The following SLC7A8 variants were observed in gnomAD, a reference collection of about 807,000 sequenced individuals.
The protein encoded by SLC7A8 is solute carrier family 7 member 8.
A neutral mutation model predicts 51.2 loss-of-function variants in SLC7A8; 30 were observed. The observed-to-expected ratio is 0.59, with a 90% CI of 0.44 to 0.80. The LOEUF (loss-of-function observed/expected upper bound fraction) is 0.80. SLC7A8 is among the 30% of genes least tolerant of loss of function. SLC7A8 has a pLI of 0.00. For missense variants in SLC7A8, 612 were observed against 674.4 expected (o/e 0.91, Z 1.03); for synonymous variants, 257 against 275.8 (o/e 0.93, Z 0.67).
Position 23,139,302 on chromosome 14 carries a change from G to A in SLC7A8, c.912+122C>T, listed in dbSNP as rs1194258574. ...CAATGACATATGTGGTTTCTGCCCT[G>A]AGAACTTGGGGGTGATTTCCACTTC... On this transcript the variant is annotated intron_variant, in intron 6 of 10. Coordinates refer to ENST00000316902, the MANE Select transcript of SLC7A8 (RefSeq NM_012244.4). The A allele has an allele frequency of 2.7e-6, 4 of 1,492,090 alleles. No homozygotes were observed. The African/African-American group carries it at 4.1e-5, about 15-fold the overall frequency. 92.4% of individuals were successfully genotyped at this position (1,492,090 alleles called of 1,614,324 possible).
intron 1 of SLC7A8, among the ~76,000 whole-genome samples, chr14:23,166,910 C>T (rs1245034941): frequency 6.6e-6 from 1 of 152,182 alleles, no homozygotes; most frequent in African/African-American, 2.4e-5. Context: ...TCTCAGGACC[C>T]TCCAGCTGAG....
intron 1 of SLC7A8, among the ~76,000 whole-genome samples, chr14:23,178,611 T>G (rs145247640): frequency 0.012 from 1,772 of 152,140 alleles, 18 homozygotes; most frequent in Non-Finnish European, 0.017. Flanking sequence ...CACTTGCTTT[T>G]TTTTTTTAAG....
chr14:23,172,632 C>T (rs1277195322), intron 1 of SLC7A8, among the ~76,000 whole-genome samples: 4 of 152,216 alleles, frequency 2.6e-5, no homozygotes, highest in Non-Finnish European at 4.4e-5. Flanking sequence ...GCTTTGTCTT[C>T]CTTGGTGGTT....
intron 1 of SLC7A8, among the ~76,000 whole-genome samples, chr14:23,167,489 T>A: frequency 6.6e-6 from 1 of 151,968 alleles, no homozygotes; most frequent in Non-Finnish European, 1.5e-5. Context: ...CACTTCTGCT[T>A]GTGTGCAGGG....
rs60162914 is a variant in SLC7A8 at position 23,183,137 on chromosome 14, TAAAAAAA to T, written c.-230_-224del. On this transcript the variant is annotated 5_prime_UTR_variant, in exon 1 of 11. It removes the in-frame stop codon of an upstream open reading frame in the 5' UTR. Transcript: ENST00000316902. ...CGTTTACAAACAAGAAAAGTGTTGCTAAAAAAAAAAAAAAAAAAAAAGGCCAGGGGAG... is the reference window on the plus strand; with the variant it reads ...CGTTTACAAACAAGAAAAGTGTTGCTAAAAAAAAAAAAAAGGCCAGGGGAG... 1.1e-5 allele frequency: 1 copy of T among 90,316 alleles called. No individual in the cohort carries two copies. The highest frequency in any genetic ancestry group is 3.3e-4 in the South Asian group (1 of 3,002). The allele number at this position is 90,316 out of a possible 1,614,324, so 5.6% of individuals were successfully genotyped here. A position where few individuals can be genotyped will look rare whatever the true frequency, so the allele number is the denominator to read the frequency against.
chr14:23,139,298 C>A lies in SLC7A8; in HGVS notation c.912+126G>T, dbSNP rs1451736087. The A allele has an allele frequency of 2.1e-6, 3 of 1,453,332 alleles. No homozygotes were observed. In the African/African-American group the frequency reaches 4.2e-5, roughly 20 times the overall value. The allele number at this position is 1,453,332 out of a possible 1,614,324, so 90.0% of individuals were successfully genotyped here. A position where few individuals can be genotyped will look rare whatever the true frequency, so the allele number is the denominator to read the frequency against. The stretch of plus-strand genomic sequence containing the variant: ...CAGCCAATGACATATGTGGTTTCTG[C>A]CCTGAGAACTTGGGGGTGATTTCCA... On this transcript the variant is annotated intron_variant, in intron 6 of 10. Coordinates refer to ENST00000316902, the MANE Select transcript of SLC7A8 (RefSeq NM_012244.4).
At chr14:23,163,302 T>G (rs950561460) in intron 3 of SLC7A8, among the ~76,000 whole-genome samples, 2 of 151,854 alleles carry the variant, frequency 1.3e-5, no homozygotes, top group African/African-American at 4.8e-5. Context: ...GGTGGACGAG[T>G]GATTTTGCCC....
At chr14:23,138,985 C>T (rs1452054251) in intron 6 of SLC7A8, among the ~76,000 whole-genome samples, 1 of 152,170 alleles carries the variant, frequency 6.6e-6, no homozygotes, top group Non-Finnish European at 1.5e-5. Context: ...CCCCAAAGAG[C>T]ACACCTGACT....
At chr14:23,180,187 T>G (rs1329868972) in intron 1 of SLC7A8, among the ~76,000 whole-genome samples, 1 of 152,248 alleles carries the variant, frequency 6.6e-6, no homozygotes, top group African/African-American at 2.4e-5. Flanking sequence ...ATTACAGGTG[T>G]GAGCCACCGC....
At chr14:23,149,377 C>T (rs190880909) in intron 3 of SLC7A8, among the ~76,000 whole-genome samples, 28 of 152,290 alleles carry the variant, frequency 1.8e-4, no homozygotes, top group African/African-American at 6.7e-4. Context: ...CAACTTCAGG[C>T]CCACCCACAC....
intron 8 of SLC7A8, chr14:23,130,018 A>G: frequency 1.8e-6 from 1 of 544,890 alleles, no homozygotes; most frequent in South Asian, 2.4e-5. Flanking sequence ...CAAAATATTT[A>G]ACCACTCGTA....
chr14:23,144,891 T>C (rs1007247800), intron 3 of SLC7A8, among the ~76,000 whole-genome samples: 5 of 152,032 alleles, frequency 3.3e-5, no homozygotes, highest in African/African-American at 9.7e-5. Flanking sequence ...CCAGACCACT[T>C]TGTTTATATC....
rs2048949100 is a variant in SLC7A8, at chr14:23,166,200, G to A, written c.356+136C>T. On this transcript the variant is annotated intron_variant, in intron 2 of 10. Coordinates refer to ENST00000316902, the MANE Select transcript of SLC7A8 (RefSeq NM_012244.4). ...GCAACCATGGCAGGAAAGCAGAAGA[G>A]ACATTCCATTCACTAGCACCCCGTG... 1.1e-5 allele frequency: 9 copies of A among 852,860 alleles called. No homozygotes were observed. In the Admixed American group the frequency reaches 1.1e-4, roughly 11 times the overall value. The allele number at this position is 852,860 out of a possible 1,614,324, so 52.8% of individuals were successfully genotyped here.
intron 3 of SLC7A8, among the ~76,000 whole-genome samples, chr14:23,162,425 A>G (rs1325451731): frequency 6.6e-6 from 1 of 152,274 alleles, no homozygotes; most frequent in Non-Finnish European, 1.5e-5. Flanking sequence ...TCCTGTCTTT[A>G]GAGGACAAGA....
rs2048581409 is a variant in SLC7A8, at chr14:23,126,850, C to G, written c.*327G>C. 2.7e-6 allele frequency: 1 copy of G among 374,168 alleles called. No homozygotes were observed. The highest frequency in any genetic ancestry group is 5.0e-6 in the Non-Finnish European group (1 of 199,726). The allele number at this position is 374,168 out of a possible 1,614,324, so 23.2% of individuals were successfully genotyped here. On this transcript the variant is annotated 3_prime_UTR_variant, in exon 11 of 11. Coordinates refer to ENST00000316902, the MANE Select transcript of SLC7A8 (RefSeq NM_012244.4). ...CCCTGGGAGGGAAGGCAGTAATGAG[C>G]TCCGGTTCCTGAAGAGGCAGCTGAG...
At chr14:23,179,782 C>T (rs1304998094) in intron 1 of SLC7A8, among the ~76,000 whole-genome samples, 2 of 151,996 alleles carry the variant, frequency 1.3e-5, no homozygotes, top group Non-Finnish European at 2.9e-5. Context: ...AGCACTCCAG[C>T]CTAGGCAACA....
Position 23,129,488 on chromosome 14 carries a change from T to C in SLC7A8, c.1263+162A>G. 3 of 706,694 alleles carry C rather than the reference T, an allele frequency of 4.2e-6. No homozygotes were observed. The South Asian group carries it at 5.7e-5, about 13-fold the overall frequency. 43.8% of individuals were successfully genotyped at this position (706,694 alleles called of 1,614,324 possible). ...TCTCATCCCCAGTGGAGAATGGAAATAGTGGTCCCATTCACAAATGGCCCT... is the reference window on the plus strand; with the variant it reads ...TCTCATCCCCAGTGGAGAATGGAAACAGTGGTCCCATTCACAAATGGCCCT... On this transcript the variant is annotated intron_variant, in intron 9 of 10. Transcript: ENST00000316902.
chr14:23,163,724 C>A (rs930919673), intron 3 of SLC7A8, among the ~76,000 whole-genome samples: 2 of 152,176 alleles, frequency 1.3e-5, no homozygotes, highest in African/African-American at 4.8e-5. Context: ...AGGCAGGGAC[C>A]CAGTGAACCC....
intron 1 of SLC7A8, among the ~76,000 whole-genome samples, chr14:23,174,945 G>GTGCCTGCT (rs1376861981): frequency 1.3e-5 from 2 of 152,148 alleles, no homozygotes; most frequent in African/African-American, 4.8e-5. Flanking sequence ...TCATTTGCAT[G>GTGCCTGCT]TGCCTGCTTT....
Sources: gnomAD v4.1 joint callset for allele counts (sites outside exome capture counted in the v4.1 genomes callset) on GRCh38, gnomAD v4.1.1 for gene constraint, MANE v1.5 for transcripts, NCBI Gene and HGNC (gene_info 2026-07-23, HGNC 2026-07-21) for gene names.